The following VSX2 variants were observed in gnomAD, a reference collection of about 807,000 sequenced individuals.
VSX2 encodes visual system homeobox 2, also known as ceh-10 homeo domain containing homolog.
A neutral mutation model predicts 32.1 loss-of-function variants in VSX2; 28 were observed. The ratio of observed to expected loss-of-function variants is 0.87; its 90% confidence interval spans 0.65 to 1.20. The LOEUF is 1.20. Among genes scored for constraint, VSX2 ranks in the 50% most tolerant of loss-of-function variants. The pLI is 0.00. For synonymous variants in VSX2, 243 were observed against 214.1 expected, an observed-to-expected ratio of 1.14 and a Z score of -1.18; for missense variants, 506 against 488.7, an observed-to-expected ratio of 1.04 and a Z score of -0.33.
chr14:74,248,645 C>T (rs191061113), intron 3 of VSX2, among the ~76,000 whole-genome samples: 14 of 151,700 alleles, frequency 9.2e-5, no homozygotes, highest in Admixed American at 2.6e-4. Flanking sequence ...GAGCTGTAAT[C>T]GCACCACTGC....
intron 3 of VSX2, among the ~76,000 whole-genome samples, chr14:74,246,509 T>G (rs2079192743): frequency 6.6e-6 from 1 of 152,220 alleles, no homozygotes; most frequent in African/African-American, 2.4e-5. Flanking sequence ...CATAAGCAGA[T>G]TATGTTTGGT....
intron 2 of VSX2, among the ~76,000 whole-genome samples, chr14:74,242,750 G>A (rs1202797570): frequency 6.6e-6 from 1 of 152,074 alleles, no homozygotes; most frequent in Non-Finnish European, 1.5e-5. Context: ...ACCTTGCAGG[G>A]AGGGCAGGTC....
chr14:74,247,024 T>C (rs1174674775), intron 3 of VSX2, among the ~76,000 whole-genome samples: 1 of 151,950 alleles, frequency 6.6e-6, no homozygotes, highest in Non-Finnish European at 1.5e-5. Flanking sequence ...GAGCTTGGGG[T>C]GTGGGATGAG....
At chr14:74,240,666 G>A (rs1410219831) in intron 1 of VSX2, among the ~76,000 whole-genome samples, 4 of 152,186 alleles carry the variant, frequency 2.6e-5, no homozygotes, top group African/African-American at 9.6e-5. Flanking sequence ...ACGTGGAAAG[G>A]CAACGAAAAC....
At chr14:74,241,988 T>C (rs1399221672) in intron 2 of VSX2, among the ~76,000 whole-genome samples, 1 of 152,172 alleles carries the variant, frequency 6.6e-6, no homozygotes, top group Non-Finnish European at 1.5e-5. Flanking sequence ...AAATGGAAAT[T>C]ACTTGCACAA....
At chr14:74,250,248 AAT>A (rs140976408) in intron 3 of VSX2, among the ~76,000 whole-genome samples, 115,921 of 150,058 alleles carry the variant, frequency 0.77, 45,789 homozygotes, top group Admixed American at 0.86. Context: ...AAAAAAAAAA[AAT>A]TTTTTTTTTT....
In VSX2 at chr14:74,261,028, C is replaced by G; in HGVS notation, c.*109C>G. 7.5e-7 allele frequency: 1 copy of G among 1,328,674 alleles called. No individual in the cohort carries two copies. Among genetic ancestry groups the G allele is most frequent in the Non-Finnish European group, 1.0e-6 (1 of 960,164 alleles). 82.3% of individuals were successfully genotyped at this position (1,328,674 alleles called of 1,614,324 possible). A position where few individuals can be genotyped will look rare whatever the true frequency, so the allele number is the denominator to read the frequency against. On this transcript the variant is annotated 3_prime_UTR_variant, in exon 5 of 5. Coordinates refer to ENST00000261980, the MANE Select transcript of VSX2 (RefSeq NM_182894.3). ...GCCCAGACCTGGCCTCTGCCATCCT[C>G]CCTGTTCCCCACAGGTCCTCCATCA...
chr14:74,239,937 T>G lies in VSX2; in HGVS notation c.370+6T>G. On this transcript the variant is annotated splice_donor_region_variant and intron_variant, in intron 1 of 4. Coordinates refer to ENST00000261980, the MANE Select transcript of VSX2 (RefSeq NM_182894.3). ...CAGCCAGACGGCCAGCTCGGGTAGGTGAGGAGAGGTTGCGCTGCTGCCTGA... is the reference window on the plus strand; with the variant it reads ...CAGCCAGACGGCCAGCTCGGGTAGGGGAGGAGAGGTTGCGCTGCTGCCTGA... 6.4e-7 allele frequency: 1 copy of G among 1,558,622 alleles called. No homozygotes were observed. Among genetic ancestry groups the G allele is most frequent in the Non-Finnish European group, 8.7e-7 (1 of 1,152,446 alleles).
intron 1 of VSX2, 43 bp from the exon 2 acceptor site, chr14:74,241,139 C>T (rs1371208854): frequency 1.3e-6 from 2 of 1,594,642 alleles, no homozygotes; most frequent in Admixed American, 1.7e-5. Flanking sequence ...CACAGCGGAG[C>T]GCGTCCCCCA....
chr14:74,254,797 T>TTTTTTTTTTTTTTTTTTTTTTTTTTTTTA (rs59140763), intron 3 of VSX2, among the ~76,000 whole-genome samples: 1 of 148,084 alleles, frequency 6.8e-6, no homozygotes, highest in African/African-American at 2.5e-5. Context: ...TTTTTTTTTT[T>TTTTTTTTTTTTTTTTTTTTTTTTTTTTTA]GAGACGCAGT....
intron 3 of VSX2, among the ~76,000 whole-genome samples, chr14:74,246,831 G>A (rs10130114): frequency 0.32 from 48,849 of 151,970 alleles, 8,377 homozygotes; most frequent in East Asian, 0.67. Flanking sequence ...TAGATTAGGT[G>A]GGGGAGGGTG....
rs78271756 is a variant in VSX2, at chr14:74,247,321, T to G, written c.579+2033T>G. Among the ~76,000 whole-genome samples the G allele has an allele frequency of 4.1e-3, 627 of 152,282 alleles. 12 individuals carry two copies. Among genetic ancestry groups the G allele is most frequent in the African/African-American group, 0.015 (603 of 41,544 alleles). On this transcript the variant is annotated intron_variant, in intron 3 of 4. Coordinates refer to ENST00000261980, the MANE Select transcript of VSX2 (RefSeq NM_182894.3). ...AGGACAGGCAGGGTGGTACCATGGTTAGGGTCACTGACTCTGGGGCCAGAC... is the reference window on the plus strand; with the variant it reads ...AGGACAGGCAGGGTGGTACCATGGTGAGGGTCACTGACTCTGGGGCCAGAC...
intron 3 of VSX2, among the ~76,000 whole-genome samples, chr14:74,250,076 A>T (rs1388200011): frequency 6.6e-6 from 1 of 152,172 alleles, no homozygotes; most frequent in Non-Finnish European, 1.5e-5. Context: ...CCTCATCTCC[A>T]CAAAAAATAC....
chr14:74,243,665 G>GA (rs1441134425), intron 2 of VSX2, among the ~76,000 whole-genome samples: 5 of 152,056 alleles, frequency 3.3e-5, no homozygotes, highest in African/African-American at 7.2e-5. Context: ...AAATTCTCAA[G>GA]AATTAACTTC....
At chr14:74,244,444 A>G (rs778227813) in intron 2 of VSX2, among the ~76,000 whole-genome samples, 5 of 151,932 alleles carry the variant, frequency 3.3e-5, no homozygotes, top group Non-Finnish European at 7.4e-5. Flanking sequence ...ATGTCGAGGA[A>G]GGGCAGGGGA....
At chr14:74,256,015 A>G (rs11848619) in intron 3 of VSX2, among the ~76,000 whole-genome samples, 4,151 of 152,310 alleles carry the variant, frequency 0.027, 201 homozygotes, top group African/African-American at 0.093. Flanking sequence ...TGGTTTATGC[A>G]TCACATCTTT....
At position 74,245,158 on chromosome 14, in the gene VSX2, C is replaced by G. The variant is rs770570869; in HGVS notation, c.456-7C>G. 1.2e-6 allele frequency: 2 copies of G among 1,613,602 alleles called. No homozygotes were observed. The highest frequency in any genetic ancestry group is 2.2e-5 in the South Asian group (2 of 91,026). ...GGGTCCTGAGTGTTCGGTCTTGCTC[C>G]CCTCAGGACAATCTTTACCTCCTAC... On this transcript the variant is annotated splice_region_variant and splice_polypyrimidine_tract_variant and intron_variant, in intron 2 of 4. Coordinates refer to ENST00000261980, the MANE Select transcript of VSX2 (RefSeq NM_182894.3).
At position 74,260,957 on chromosome 14, in the gene VSX2, G is replaced by A; in HGVS notation, c.*38G>A. 1.9e-6 allele frequency: 3 copies of A among 1,546,986 alleles called. No individual in the cohort carries two copies. Among genetic ancestry groups the A allele is most frequent in the Non-Finnish European group, 2.6e-6 (3 of 1,145,500 alleles). On this transcript the variant is annotated 3_prime_UTR_variant, in exon 5 of 5. Transcript: ENST00000261980. ...TCAGATGCCGGAGCCCCAAGACTCT[G>A]CTCTCCTCGGGCCCTGTGGTGCTGG...
chr14:74,257,149 G>A (rs978274446), intron 3 of VSX2, among the ~76,000 whole-genome samples: 3 of 151,906 alleles, frequency 2.0e-5, no homozygotes, highest in Admixed American at 2.0e-4. Flanking sequence ...GCACAGGCCC[G>A]CGGCGCTGGG....
Sources: gnomAD v4.1 joint callset for allele counts (sites outside exome capture counted in the v4.1 genomes callset) on GRCh38, gnomAD v4.1.1 for gene constraint, MANE v1.5 for transcripts, NCBI Gene and HGNC (gene_info 2026-07-23, HGNC 2026-07-21) for gene names.